Variants in DENND6B observed in about 807,000 individuals in gnomAD.
DENND6B encodes DENN domain containing 6B.
In DENND6B, 73 loss-of-function variants were observed where a neutral mutation model predicts 85.1. That is an observed-to-expected ratio of 0.86 (90% CI 0.71 to 1.04). The LOEUF (loss-of-function observed/expected upper bound fraction) is 1.04. Ranked by LOEUF, DENND6B falls within the 50% of genes least tolerant of loss-of-function variation. The pLI, the probability that DENND6B is intolerant of heterozygous loss-of-function variation, is 0.00. For synonymous variants in DENND6B, 357 were observed against 329.3 expected, an observed-to-expected ratio of 1.08 and a Z score of -0.91; for missense variants, 715 against 785.8, an observed-to-expected ratio of 0.91 and a Z score of 1.08.
intron 1 of DENND6B, 155 bp from the exon 2 acceptor site, chr22:50,319,158 T>C (rs1461787999): frequency 2.6e-6 from 4 of 1,529,668 alleles, no homozygotes; most frequent in Non-Finnish European, 3.5e-6. Context: ...CCCTGCTCCC[T>C]GTTCCAACAG....
chr22:50,325,089 T>C (rs2042155328), intron 1 of DENND6B, among the ~76,000 whole-genome samples: 1 of 152,104 alleles, frequency 6.6e-6, no homozygotes, highest in Non-Finnish European at 1.5e-5. Context: ...CCCCGGTGGA[T>C]CCACTGCCAG....
chr22:50,311,949 G>T lies in DENND6B; in HGVS notation c.*190C>A. The T allele has an allele frequency of 1.0e-6, 1 of 992,148 alleles. No individual in the cohort carries two copies. Among genetic ancestry groups the T allele is most frequent in the Non-Finnish European group, 1.4e-6 (1 of 695,584 alleles). 61.5% of individuals were successfully genotyped at this position (992,148 alleles called of 1,614,324 possible). On this transcript the variant is annotated 3_prime_UTR_variant, in exon 20 of 20. Transcript: ENST00000413817. ...GGCTCTGCCTGCGAGGAACCCCTAT[G>T]GTCAAGGCCATGCTGTGGTTCCAAA... is the stretch of plus-strand genomic sequence containing the variant.
chr22:50,326,176 G>A (rs2042183890), intron 1 of DENND6B, among the ~76,000 whole-genome samples: 2 of 152,252 alleles, frequency 1.3e-5, no homozygotes, highest in African/African-American at 2.4e-5. Context: ...GCAGCAGAAA[G>A]ACCACATCGA....
chr22:50,325,979 A>C (rs76550697), intron 1 of DENND6B, among the ~76,000 whole-genome samples: 3,429 of 152,220 alleles, frequency 0.023, 58 homozygotes, highest in Middle Eastern at 0.085. Context: ...GGTAATAGAG[A>C]GCTCACTACC....
In DENND6B at chr22:50,313,808, A is replaced by G; in HGVS notation, c.1203+6T>C. The stretch of plus-strand genomic sequence containing the variant: ...GTCCCCAGCCCCTGCCCCACAAACC[A>G]TATACCTTGAGCAGCCGTTTGAGCA... On this transcript the variant is annotated splice_donor_region_variant and intron_variant, in intron 14 of 19. Transcript: ENST00000413817. 6.2e-7 allele frequency: 1 copy of G among 1,611,570 alleles called. No homozygotes were observed. The highest frequency in any genetic ancestry group is 2.2e-5 in the East Asian group (1 of 44,834).
At chr22:50,313,553 T>TGCCCCCCCCCCCC in intron 15 of DENND6B, 54 bp from the exon 16 acceptor site, 3 of 698,186 alleles carry the variant, frequency 4.3e-6, no homozygotes, top group East Asian at 7.6e-5. Context: ...CCCAGCCCCA[T>TGCCCCCCCCCCCC]CCCCCGCAGC....
chr22:50,315,726 A>G lies in DENND6B; in HGVS notation c.746T>C (p.Leu249Pro). The G allele has an allele frequency of 1.3e-6, 2 of 1,562,166 alleles. No individual in the cohort carries two copies. The highest frequency in any genetic ancestry group is 1.7e-6 in the Non-Finnish European group (2 of 1,155,036). Residue 249 changes from leucine to proline, a missense_variant, in exon 9 of 20, where the codon CTG becomes CCG. By Grantham distance (98) the Leu-to-Pro change is moderately conservative (BLOSUM62 -3). Transcript: ENST00000413817. Reference sequence around the variant, plus strand: ...CTAGGGGGCTCACCTGAACAGGTCCAGCTCGTGGACGCTAGCAAGAACCAC... The same window carrying G: ...CTAGGGGGCTCACCTGAACAGGTCCGGCTCGTGGACGCTAGCAAGAACCAC... ...APVVLASVHE[L>P]DLFRCFRPVL...
chr22:50,319,921 G>A (rs1333084960), intron 1 of DENND6B, among the ~76,000 whole-genome samples: 1 of 152,280 alleles, frequency 6.6e-6, no homozygotes, highest in African/African-American at 2.4e-5. Flanking sequence ...TTGGAAGACA[G>A]GTGTGCGCTG....
Position 50,314,419 on chromosome 22 carries a change from G to A in DENND6B, c.1053C>T (p.Val351=), listed in dbSNP as rs201927201. ...CCTGACCTGACATCTTGGGCTCCCC[G>A]ACTCGGAGGATGTGGGGCCAGTGCT... ...TLQHWPHILR[V]GEPKMSGDLP... is the part of the protein sequence containing the mutation. Residue 351 remains valine (V), a synonymous_variant, in exon 12 of 20, where the codon GTC becomes GTT. Coordinates refer to ENST00000413817, the MANE Select transcript of DENND6B (RefSeq NM_001001794.4). 138 of 1,565,098 alleles carry A rather than the reference G, an allele frequency of 8.8e-5. No homozygotes were observed. The highest frequency in any genetic ancestry group is 3.3e-4 in the Middle Eastern group (2 of 6,010).
At chr22:50,314,360 C>T in intron 12 of DENND6B, 40 bp downstream of exon 12, 5 of 1,572,102 alleles carry the variant, frequency 3.2e-6, no homozygotes, top group Non-Finnish European at 4.3e-6. Flanking sequence ...CTCAACGAGG[C>T]TTCTGAGCAG....
rs370591445 is a variant in DENND6B, at chr22:50,314,274, T to G, written c.1073-2A>C. 7 of 1,609,186 alleles carry G rather than the reference T, an allele frequency of 4.4e-6. No individual in the cohort carries two copies. The African/African-American group carries it at 9.3e-5, about 21-fold the overall frequency. On this transcript the variant is annotated splice_acceptor_variant, in intron 12 of 19. Coordinates refer to ENST00000413817, the MANE Select transcript of DENND6B (RefSeq NM_001001794.4). LOFTEE classifies it high-confidence loss of function. Reference sequence around the variant, plus strand: ...GCTTGACTTGCTTAGGCAGGTCTCCTACGAGACACGCCCGGTGGCCAGGCC... The same window carrying G: ...GCTTGACTTGCTTAGGCAGGTCTCCGACGAGACACGCCCGGTGGCCAGGCC...
At position 50,313,683 on chromosome 22, in the gene DENND6B, C is replaced by A; in HGVS notation, c.1245G>T (p.Leu415=). 1 of 1,600,830 alleles carries A rather than the reference C, an allele frequency of 6.2e-7. No homozygotes were observed. Among genetic ancestry groups the A allele is most frequent in the Non-Finnish European group, 8.5e-7 (1 of 1,175,628 alleles). The change falls in exon 15 of 20, where the codon CTG becomes CTT. Residue 415 remains leucine (L), a synonymous_variant. Transcript: ENST00000413817. ...TGAGCTCCAGGAGGTGCCGCCGCAG[C>A]AGGGCGCTCTGCACATCTGACGGCC... ...KKRPSDVQSA[L]LRRHLLELTQ... is the part of the protein sequence containing the mutation.
chr22:50,315,285 TG>T (rs2041769234), intron 9 of DENND6B, among the ~76,000 whole-genome samples: 1 of 151,972 alleles, frequency 6.6e-6, no homozygotes, highest in South Asian at 2.1e-4. Context: ...CCCTGGCTCC[TG>T]CCGGGCCCAG....
chr22:50,319,112 T>A, intron 1 of DENND6B, 109 bp from the exon 2 acceptor site: 1 of 1,542,148 alleles, frequency 6.5e-7, no homozygotes, highest in South Asian at 1.2e-5. Flanking sequence ...CATCTGTCTG[T>A]GGGGCGCAGG....
Position 50,311,179 on chromosome 22 carries a change from A to C in DENND6B, c.*960T>G, listed in dbSNP as rs1406726204. The stretch of plus-strand genomic sequence containing the variant: ...CAGGGCTTGGCTGTCCGGAGCCCTG[A>C]CAGTACCGTCACTGTGTGCTGTGCA... On this transcript the variant is annotated 3_prime_UTR_variant, in exon 20 of 20. Coordinates refer to ENST00000413817, the MANE Select transcript of DENND6B (RefSeq NM_001001794.4). 1 of 152,124 alleles carries C rather than the reference A, an allele frequency of 6.6e-6. No individual in the cohort carries two copies. Among genetic ancestry groups the C allele is most frequent in the Non-Finnish European group, 1.5e-5 (1 of 68,080 alleles). The allele number at this position is 152,124 out of a possible 1,614,324, so 9.4% of individuals were successfully genotyped here. A position where few individuals can be genotyped will look rare whatever the true frequency, so the allele number is the denominator to read the frequency against.
intron 1 of DENND6B, among the ~76,000 whole-genome samples, chr22:50,319,820 T>C (rs2041987299): frequency 6.6e-6 from 1 of 152,214 alleles, no homozygotes; most frequent in Non-Finnish European, 1.5e-5. Flanking sequence ...CCAGGGCCTG[T>C]GCCCCACCTG....
intron 11 of DENND6B, 29 bp downstream of exon 11, chr22:50,314,576 G>C (rs1304531075): frequency 4.5e-6 from 7 of 1,556,108 alleles, no homozygotes; most frequent in African/African-American, 1.4e-5. Context: ...CGGAGCAAGG[G>C]CAAGAGGCGG....
intron 16 of DENND6B, 142 bp downstream of exon 16, chr22:50,313,304 G>T: frequency 7.9e-7 from 1 of 1,257,934 alleles, no homozygotes; most frequent in Non-Finnish European, 1.1e-6. Flanking sequence ...CTGCCCTGTG[G>T]CCCCCAGTTT....
chr22:50,319,447 A>G (rs2041970945), intron 1 of DENND6B: 1 of 985,236 alleles, frequency 1.0e-6, no homozygotes, highest in African/African-American at 1.7e-5. Context: ...CCTCTTGCCC[A>G]GACTGCAGTT....
Sources: allele counts gnomAD v4.1 joint callset (sites outside exome capture counted in the v4.1 genomes callset), GRCh38; gene constraint gnomAD v4.1.1; transcripts MANE v1.5; gene names NCBI Gene and HGNC (gene_info 2026-07-23, HGNC 2026-07-21).